The following SCN9A variants were observed in gnomAD, a reference collection of about 807,000 sequenced individuals.
SCN9A encodes the protein sodium voltage-gated channel alpha subunit 9.
Under a neutral mutation model 187.0 loss-of-function variants are expected in SCN9A, and 131 were observed. The ratio of observed to expected loss-of-function variants is 0.70; its 90% CI spans 0.61 to 0.81. The LOEUF is 0.81. SCN9A is among the 30% of genes least tolerant of loss of function. The pLI, the probability that SCN9A is intolerant of heterozygous loss-of-function variation, is 0.00. For synonymous variants in SCN9A, 809 were observed against 808.6 expected (o/e 1.00, Z -0.01); for missense variants, 2,252 against 2,396.6 (o/e 0.94, Z 1.26).
intron 15 of SCN9A, chr2:166,277,893 G>T (rs1697307428): frequency 2.8e-6 from 1 of 362,010 alleles, no homozygotes; most frequent in Non-Finnish European, 4.8e-6. Context: ...TATATTAATA[G>T]AAAATATTTA....
chr2:166,319,224 T>C (rs1699180167), intron 1 of SCN9A, among the ~76,000 whole-genome samples: 1 of 152,074 alleles, frequency 6.6e-6, no homozygotes. Flanking sequence ...TTGAATCAAA[T>C]TCTATTATCA....
At chr2:166,204,799 A>G (rs16851778) in intron 24 of SCN9A, 25,141 of 157,104 alleles carry the variant, frequency 0.16, 2,478 homozygotes, top group East Asian at 0.34. Context: ...TTTATTGCTA[A>G]GAAAATTTGT....
intron 21 of SCN9A, among the ~76,000 whole-genome samples, chr2:166,230,575 C>T (rs1039169330): frequency 1.3e-5 from 2 of 152,156 alleles, no homozygotes; most frequent in Admixed American, 6.5e-5. Flanking sequence ...GAATGCCTAT[C>T]TGCCTATGAT....
chr2:166,227,722 G>T lies in SCN9A; in HGVS notation c.4208C>A (p.Ala1403Glu). Residue 1403 changes from alanine to glutamate, a missense_variant and splice_region_variant, in exon 23 of 27, where the codon GCA becomes GAA. Ala to Glu is a moderately radical substitution (Grantham distance 107). Around this residue, in one of 7 missense-constraint regions of SCN9A, gnomAD observed 368 missense variants for 408.6 expected, o/e 0.90. Coordinates refer to ENST00000642356, the MANE Select transcript of SCN9A (RefSeq NM_001365536.1). ...GLGYLSLLQV[A>E]TFKGWTIIMY... is the part of the protein sequence containing the mutation. ...AATAATCGTCCATCCCTTAAAAGTT[G>T]CCTTTAAGAATAACATTAATAGAAT... 1 of 1,473,624 alleles carries T rather than the reference G, an allele frequency of 6.8e-7. No individual in the cohort carries two copies. Among genetic ancestry groups the T allele is most frequent in the Admixed American group, 1.9e-5 (1 of 51,352 alleles). The allele number at this position is 1,473,624 out of a possible 1,614,324, so 91.3% of individuals were successfully genotyped here. A position where few individuals can be genotyped will look rare whatever the true frequency, so the allele number is the denominator to read the frequency against.
intron 24 of SCN9A, among the ~76,000 whole-genome samples, chr2:166,220,049 C>T (rs1038942165): frequency 6.6e-6 from 1 of 152,080 alleles, no homozygotes; most frequent in African/African-American, 2.4e-5. Flanking sequence ...CTGAATGCAA[C>T]AGCCCATTAA....
intron 1 of SCN9A, among the ~76,000 whole-genome samples, chr2:166,358,474 T>G (rs1378575920): frequency 3.9e-5 from 6 of 152,298 alleles, no homozygotes; most frequent in South Asian, 4.1e-4. Flanking sequence ...TTTTCTGTGC[T>G]CTGTCTGTAT....
chr2:166,236,407 T>A (rs967756961), intron 20 of SCN9A, among the ~76,000 whole-genome samples: 1 of 151,782 alleles, frequency 6.6e-6, no homozygotes, highest in Non-Finnish European at 1.5e-5. Flanking sequence ...TGTTGTGTGA[T>A]TAAGAAAACG....
At chr2:166,229,029 A>T in intron 21 of SCN9A, 57 bp from the exon 22 acceptor site, 1 of 1,368,242 alleles carries the variant, frequency 7.3e-7, no homozygotes, top group Non-Finnish European at 1.0e-6. Flanking sequence ...TAAATAGGCA[A>T]CATGAAAGAA....
At chr2:166,367,719 A>G (rs1207365378) in intron 1 of SCN9A, among the ~76,000 whole-genome samples, 1 of 152,228 alleles carries the variant, frequency 6.6e-6, no homozygotes, top group East Asian at 1.9e-4. Flanking sequence ...CAGTAGTGCA[A>G]TAATACTCCT....
intron 17 of SCN9A, 107 bp from the exon 18 acceptor site, chr2:166,251,992 A>G: frequency 7.8e-7 from 1 of 1,289,954 alleles, no homozygotes; most frequent in Non-Finnish European, 1.1e-6. Flanking sequence ...TTATGAAAAA[A>G]GATTAATAGT....
chr2:166,264,560 A>G (rs756941447), intron 17 of SCN9A, among the ~76,000 whole-genome samples: 1 of 151,902 alleles, frequency 6.6e-6, no homozygotes, highest in Non-Finnish European at 1.5e-5. Flanking sequence ...GTTTTAACTC[A>G]TCTCTTTGGT....
chr2:166,278,438 GAT>G (rs887496956), intron 14 of SCN9A, 125 bp from the exon 15 acceptor site: 27 of 751,920 alleles, frequency 3.6e-5, no homozygotes, highest in Non-Finnish European at 5.1e-5. Flanking sequence ...TTTATAAATG[GAT>G]ATTCTTATCT....
intron 1 of SCN9A, among the ~76,000 whole-genome samples, chr2:166,371,104 T>C (rs1574975631): frequency 6.6e-6 from 1 of 152,192 alleles, no homozygotes; most frequent in Non-Finnish European, 1.5e-5. Context: ...TCAACAGTAA[T>C]ATATGGCATT....
At chr2:166,348,570 T>C (rs560819326) in intron 1 of SCN9A, among the ~76,000 whole-genome samples, 79 of 152,246 alleles carry the variant, frequency 5.2e-4, no homozygotes, top group African/African-American at 1.9e-3. Flanking sequence ...CCACAGAATA[T>C]ATAGTACTGT....
At position 166,198,676 on chromosome 2, in the gene SCN9A, T is replaced by G; in HGVS notation, c.5963A>C (p.Lys1988Thr). The part of the protein sequence containing the change: ...DKGKDSKESK[K>T] ...CAATATATCAAAAATGAAGCTCTAT[T>G]TTTTGCTTTCCTTGCTGTCTTTCCC... The change falls in exon 27 of 27, where the codon AAA becomes ACA. Residue 1988 changes from lysine (K) to threonine (T), a missense_variant. Transcript: ENST00000642356. 6.3e-7 allele frequency: 1 copy of G among 1,586,656 alleles called. No homozygotes were observed.
chr2:166,284,599 G>C lies in SCN9A; in HGVS notation c.1828C>G (p.Pro610Ala), dbSNP rs41268673. ...ATTTTCCCGTTCACCGGCAGCATTG[G>C]TGGGGACCTACTGGCTTGGCTGATG... Reference protein sequence around the residue: ...SNISQASRSPPMLPVNGKMHS... With the variant: ...SNISQASRSPAMLPVNGKMHS... Residue 610 changes from proline to alanine, a missense_variant, in exon 12 of 27, where the codon CCA becomes GCA. Physicochemically the swap from Pro to Ala is conservative, Grantham distance 27. Transcript: ENST00000642356. 1.9e-6 allele frequency: 3 copies of C among 1,613,922 alleles called. No homozygotes were observed. In the African/African-American group the frequency reaches 4.0e-5, roughly 22 times the overall value.
intron 2 of SCN9A, among the ~76,000 whole-genome samples, 157 bp downstream of exon 2, chr2:166,311,342 A>G (rs1353300738): frequency 1.5e-5 from 1 of 67,036 alleles, no homozygotes; most frequent in Admixed American, 1.5e-4. Flanking sequence ...ATATATATAT[A>G]TATATATATA....
At chr2:166,366,261 C>A (rs1265587124) in intron 1 of SCN9A, among the ~76,000 whole-genome samples, 1 of 152,216 alleles carries the variant, frequency 6.6e-6, no homozygotes, top group Non-Finnish European at 1.5e-5. Flanking sequence ...TTAAGCATAT[C>A]TGTCACTGTC....
At position 166,238,230 on chromosome 2, in the gene SCN9A, A is replaced by G; in HGVS notation, c.3665T>C (p.Ile1222Thr). Residue 1222 changes from isoleucine to threonine, a missense_variant, in exon 20 of 27, where the codon ATT (isoleucine) becomes ACT (threonine). Ile to Thr is a moderately conservative substitution (Grantham distance 89). This residue lies in a region of SCN9A where 313 missense variants were observed against 295.3 expected (regional missense o/e 1.06). Coordinates refer to ENST00000642356, the MANE Select transcript of SCN9A (RefSeq NM_001365536.1). ...GTCTGCATACTCCAGGATAATCTTA[A>G]TGGTCTTTTTCCTTTCAATATAAAT... ...EDIYIERKKTIKIILEYADKI... is the reference protein window; with the variant it reads ...EDIYIERKKTTKIILEYADKI... The G allele has an allele frequency of 1.3e-6, 2 of 1,595,036 alleles. No individual in the cohort carries two copies. The highest frequency in any genetic ancestry group is 1.7e-6 in the Non-Finnish European group (2 of 1,170,766).
Sources: allele counts gnomAD v4.1 joint callset (sites outside exome capture counted in the v4.1 genomes callset), GRCh38; gene constraint gnomAD v4.1.1; regional missense constraint gnomAD v4.1.1; transcripts MANE v1.5; gene names NCBI Gene and HGNC (gene_info 2026-07-23, HGNC 2026-07-21).